Variants in TENM3 observed in about 807,000 individuals in gnomAD.
TENM3 encodes teneurin transmembrane protein 3.
TENM3 carries 63 observed loss-of-function variants against 255.1 expected under a neutral mutation model. That is an observed-to-expected ratio of 0.25 (90% CI 0.20 to 0.30). The LOEUF (loss-of-function observed/expected upper bound fraction) is 0.30. Among genes scored for constraint, TENM3 ranks in the 10% least tolerant of loss-of-function variants. The probability of loss-of-function intolerance (pLI) is 1.00; values close to 1 mark genes in which losing one functional copy is unlikely to be tolerated. For missense variants in TENM3, 2,929 were observed against 3,461.1 expected (o/e 0.85, Z 3.86); for synonymous variants, 1,306 against 1,322.3 (o/e 0.99, Z 0.27).
chr4:181,465,171 G>A, the TENM3 span, among the ~76,000 whole-genome samples: 4 of 144,704 alleles, frequency 2.8e-5, no homozygotes, highest in African/African-American at 1.0e-4. Flanking sequence ...TCAAAGATAT[G>A]ATTTTTGAAA....
chr4:181,680,864 A>T, the TENM3 span, among the ~76,000 whole-genome samples: 1 of 152,090 alleles, frequency 6.6e-6, no homozygotes, highest in South Asian at 2.1e-4. Context: ...TTCCATCTCA[A>T]TTATCCAAAT....
At chr4:181,767,189 T>C in the TENM3 span, among the ~76,000 whole-genome samples, 1 of 147,878 alleles carries the variant, frequency 6.8e-6, no homozygotes, top group East Asian at 2.0e-4. Context: ...GAGGCGGAGC[T>C]TGCAGTGAGC....
chr4:181,820,716 C>T, the TENM3 span, among the ~76,000 whole-genome samples: 1 of 152,126 alleles, frequency 6.6e-6, no homozygotes, highest in Non-Finnish European at 1.5e-5. Flanking sequence ...AAACAATATC[C>T]CTTTCTTATG....
Position 182,754,879 on chromosome 4 carries a change from A to T in TENM3, c.4512A>T (p.Leu1504Phe). The T allele has an allele frequency of 1.2e-6, 2 of 1,614,038 alleles. No individual in the cohort carries two copies. The highest frequency in any genetic ancestry group is 1.1e-5 in the South Asian group (1 of 91,090). Residue 1504 changes from leucine to phenylalanine, a missense_variant, in exon 22 of 28, where the codon TTA becomes TTT. Leu to Phe is a conservative substitution (Grantham distance 22). Coordinates refer to ENST00000511685, the MANE Select transcript of TENM3 (RefSeq NM_001080477.4). This position sits in a 1 kb window ranked among gnomAD's most constrained non-coding sequence, Gnocchi z 5.1. ...RIRAVSKNKP[L>F]LNSMNFYEVA... ...GGGCTGTGTCAAAGAATAAGCCTTT[A>T]CTTAACTCTATGAACTTCTATGAAG...
chr4:182,548,093 G>A (rs1431270818), intron 3 of TENM3, among the ~76,000 whole-genome samples: 3 of 152,098 alleles, frequency 2.0e-5, no homozygotes, highest in East Asian at 1.9e-4. Flanking sequence ...GCATGGTAGT[G>A]TACACCTGTA....
At chr4:182,288,347 G>C (rs1327492064) in intron 1 of TENM3, among the ~76,000 whole-genome samples, 2 of 152,152 alleles carry the variant, frequency 1.3e-5, no homozygotes, top group African/African-American at 4.8e-5. Flanking sequence ...TGGGATTATA[G>C]GAGTGAGTGC....
chr4:182,129,604 G>T, the TENM3 span, among the ~76,000 whole-genome samples: 65,985 of 151,920 alleles, frequency 0.43, 14,759 homozygotes, highest in African/African-American at 0.54. Context: ...ATTAGGAAAG[G>T]ATAATCAAAG....
At chr4:182,432,849 G>GTGTGTGTGTGTGTGT (rs1554066038) in intron 3 of TENM3, among the ~76,000 whole-genome samples, 4,799 of 143,070 alleles carry the variant, frequency 0.034, 166 homozygotes, top group East Asian at 0.13. Flanking sequence ...AATGGATTTG[G>GTGTGTGTGTGTGTGT]GTGTGTGTGT....
chr4:181,888,434 G>A, the TENM3 span, among the ~76,000 whole-genome samples: 4 of 144,856 alleles, frequency 2.8e-5, no homozygotes, highest in African/African-American at 7.7e-5. Flanking sequence ...TTCAAATCAG[G>A]TTAAATTCAC....
chr4:182,306,149 A>G (rs1405555402), intron 1 of TENM3, among the ~76,000 whole-genome samples: 1 of 152,138 alleles, frequency 6.6e-6, no homozygotes. Flanking sequence ...GTCCCGTGAT[A>G]TGATAGTGAA....
chr4:182,734,811 A>T (rs1376340171), intron 16 of TENM3, among the ~76,000 whole-genome samples: 1 of 152,222 alleles, frequency 6.6e-6, no homozygotes, highest in African/African-American at 2.4e-5. Flanking sequence ...AATTACAGAT[A>T]TTAAAATCAA....
the TENM3 span, among the ~76,000 whole-genome samples, chr4:182,021,485 C>T: frequency 2.0e-5 from 3 of 151,248 alleles, no homozygotes; most frequent in East Asian, 5.8e-4. Flanking sequence ...TCACTCAAAT[C>T]CCCCCCAGAA....
intron 2 of TENM3, among the ~76,000 whole-genome samples, chr4:182,333,688 A>G (rs1242766465): frequency 6.6e-6 from 1 of 152,234 alleles, no homozygotes; most frequent in Non-Finnish European, 1.5e-5. Context: ...ACCTATTCTC[A>G]CAATTATTAT....
intron 1 of TENM3, among the ~76,000 whole-genome samples, chr4:182,230,962 A>G (rs1273548105): frequency 6.7e-6 from 1 of 150,258 alleles, no homozygotes; most frequent in Non-Finnish European, 1.5e-5. Context: ...CTGACCAACA[A>G]GTGTCTCTCC....
the TENM3 span, among the ~76,000 whole-genome samples, chr4:181,470,127 A>AAAAAAAAAAAAG: frequency 1.4e-5 from 2 of 138,956 alleles, no homozygotes; most frequent in African/African-American, 5.4e-5. Context: ...AAAAAAAAAC[A>AAAAAAAAAAAAG]TTATTCAAAA....
chr4:182,235,330 T>C (rs1756827635), intron 1 of TENM3, among the ~76,000 whole-genome samples: 1 of 152,216 alleles, frequency 6.6e-6, no homozygotes, highest in Non-Finnish European at 1.5e-5. Context: ...TCTCAAAATA[T>C]ATGTGGTTAG....
chr4:181,885,414 C>A, the TENM3 span, among the ~76,000 whole-genome samples: 1 of 152,126 alleles, frequency 6.6e-6, no homozygotes, highest in Non-Finnish European at 1.5e-5. Context: ...AGGCATGCAC[C>A]ACCACACCCG....
At chr4:181,703,753 G>A in the TENM3 span, among the ~76,000 whole-genome samples, 1 of 152,216 alleles carries the variant, frequency 6.6e-6, no homozygotes, top group East Asian at 1.9e-4. Context: ...TGGCATCCAG[G>A]ACTTATCTTC....
At chr4:181,942,658 C>T in the TENM3 span, among the ~76,000 whole-genome samples, 1 of 152,070 alleles carries the variant, frequency 6.6e-6, no homozygotes, top group Non-Finnish European at 1.5e-5. Flanking sequence ...AAAACACTAC[C>T]CCGGGGATAA....
Sources: gnomAD v4.1 joint callset for allele counts (sites outside exome capture counted in the v4.1 genomes callset) on GRCh38, gnomAD v4.1.1 for gene constraint, Gnocchi (gnomAD v3.1) non-coding constraint, MANE v1.5 for transcripts, NCBI Gene and HGNC (gene_info 2026-07-23, HGNC 2026-07-21) for gene names.